Variants in ZDHHC20 observed in about 807,000 individuals in gnomAD.
The protein encoded by ZDHHC20 is zDHHC palmitoyltransferase 20.
ZDHHC20 carries 43 observed loss-of-function variants against 57.8 expected under a neutral mutation model. The ratio of observed to expected loss-of-function variants is 0.74; its 90% confidence interval spans 0.58 to 0.96. The LOEUF (loss-of-function observed/expected upper bound fraction) is 0.96. Ranked by LOEUF, ZDHHC20 falls within the 40% of genes least tolerant of loss-of-function variation. The probability of loss-of-function intolerance (pLI) is 0.00; values close to 1 mark genes in which losing one functional copy is unlikely to be tolerated. For missense variants in ZDHHC20, 391 were observed against 441.1 expected (o/e 0.89, Z 1.02); for synonymous variants, 157 against 153.0 (o/e 1.03, Z -0.19).
chr13:21,425,729 G>A (rs907272372), intron 1 of ZDHHC20, 51 bp from the exon 2 acceptor site: 33 of 993,532 alleles, frequency 3.3e-5, no homozygotes, highest in Non-Finnish European at 4.3e-5. Context: ...CATTTTGTAT[G>A]TAAGTTTTAT....
chr13:21,400,103 A>G (rs1415149584), intron 7 of ZDHHC20, among the ~76,000 whole-genome samples: 1 of 149,554 alleles, frequency 6.7e-6, no homozygotes, highest in Non-Finnish European at 1.5e-5. Flanking sequence ...TTACCTCCCT[A>G]AAATGAATAT....
intron 5 of ZDHHC20, 101 bp from the exon 6 acceptor site, chr13:21,401,786 T>A: frequency 1.9e-6 from 2 of 1,070,370 alleles, no homozygotes; most frequent in Non-Finnish European, 2.6e-6. Context: ...CCTTTACAAC[T>A]ACATCTTAAG....
At chr13:21,432,789 T>G (rs562690368) in intron 1 of ZDHHC20, among the ~76,000 whole-genome samples, 1 of 152,220 alleles carries the variant, frequency 6.6e-6, no homozygotes, top group Admixed American at 6.5e-5. Context: ...TTTTAAAAAG[T>G]TGATACTTTG....
chr13:21,394,154 C>T (rs1199728294), intron 7 of ZDHHC20, among the ~76,000 whole-genome samples: 2 of 152,162 alleles, frequency 1.3e-5, no homozygotes, highest in Non-Finnish European at 2.9e-5. Context: ...TCTCCAAGGC[C>T]CTCTGTCATT....
At chr13:21,393,989 T>G (rs1478158268) in intron 7 of ZDHHC20, among the ~76,000 whole-genome samples, 1 of 152,228 alleles carries the variant, frequency 6.6e-6, no homozygotes, top group Non-Finnish European at 1.5e-5. Context: ...TCTACCTTAT[T>G]CCAGCCGGGA....
rs1361080344 is a variant in ZDHHC20, at chr13:21,376,503, C to T, written c.*193G>A. 1 of 478,834 alleles carries T rather than the reference C, an allele frequency of 2.1e-6. No homozygotes were observed. The highest frequency in any genetic ancestry group is 3.8e-5 in the East Asian group (1 of 26,572). 29.7% of individuals were successfully genotyped at this position (478,834 alleles called of 1,614,324 possible). A position where few individuals can be genotyped will look rare whatever the true frequency, so the allele number is the denominator to read the frequency against. ...CACTTAAGATTAAGGCATCATTCTG[C>T]TCTGGAGTAGTGCTTCTGTGAATCC... On this transcript the variant is annotated 3_prime_UTR_variant, in exon 13 of 13. Transcript: ENST00000400590.
chr13:21,390,974 G>A (rs1233653700), intron 8 of ZDHHC20, among the ~76,000 whole-genome samples: 9 of 151,048 alleles, frequency 6.0e-5, no homozygotes, highest in East Asian at 3.9e-4. Context: ...TGTAATTGAG[G>A]ATATAAAGGT....
chr13:21,378,615 G>T, intron 12 of ZDHHC20, 46 bp downstream of exon 12: 1 of 1,089,060 alleles, frequency 9.2e-7, no homozygotes, highest in Non-Finnish European at 1.2e-6. Context: ...TATGAAATAT[G>T]CAAATAAGCT....
At chr13:21,404,997 T>A (rs1278273406) in intron 4 of ZDHHC20, among the ~76,000 whole-genome samples, 1 of 152,192 alleles carries the variant, frequency 6.6e-6, no homozygotes, top group Non-Finnish European at 1.5e-5. Flanking sequence ...TATTTGATTG[T>A]CACTTGTATA....
chr13:21,409,436 T>C (rs1295243773), intron 4 of ZDHHC20, among the ~76,000 whole-genome samples: 1 of 152,232 alleles, frequency 6.6e-6, no homozygotes, highest in Admixed American at 6.5e-5. Flanking sequence ...TTTGTATTTC[T>C]GTGGGATCAG....
chr13:21,433,167 C>T (rs1257735798), intron 1 of ZDHHC20, among the ~76,000 whole-genome samples: 1 of 152,008 alleles, frequency 6.6e-6, no homozygotes, highest in Admixed American at 6.6e-5. Flanking sequence ...TGCTGTATTG[C>T]CCAGGCTTGT....
At chr13:21,428,908 AC>A (rs1346207243) in intron 1 of ZDHHC20, among the ~76,000 whole-genome samples, 2 of 152,014 alleles carry the variant, frequency 1.3e-5, no homozygotes, top group Non-Finnish European at 2.9e-5. Flanking sequence ...CAACAAAAAA[AC>A]CCAACAACAA....
intron 1 of ZDHHC20, 118 bp downstream of exon 1, chr13:21,458,936 C>T: frequency 1.4e-6 from 1 of 706,870 alleles, no homozygotes; most frequent in South Asian, 2.7e-5. Flanking sequence ...GCGTTCGGGG[C>T]CGGACGCCCG....
chr13:21,439,432 C>G (rs1403850952), intron 1 of ZDHHC20, among the ~76,000 whole-genome samples: 1 of 151,940 alleles, frequency 6.6e-6, no homozygotes, highest in Admixed American at 6.6e-5. Flanking sequence ...CCCAGGAGGT[C>G]TAGGCTGCAG....
rs1361359962 is a variant in ZDHHC20, at chr13:21,452,570, T to G, written c.118+6484A>C. Among the ~76,000 whole-genome samples the G allele has an allele frequency of 2.0e-5, 3 of 152,124 alleles. No homozygotes were observed. The East Asian group carries it at 5.8e-4, about 29-fold the overall frequency. On this transcript the variant is annotated intron_variant, in intron 1 of 12. Coordinates refer to ENST00000400590, the MANE Select transcript of ZDHHC20 (RefSeq NM_001330059.2). The stretch of plus-strand genomic sequence containing the variant: ...TAGGAATAAATACATATATTTTGGG[T>G]TTTTTAAACCTAAATCTTTAAAAAC...
chr13:21,374,980 G>GA lies in ZDHHC20; in HGVS notation c.*1715dup, dbSNP rs1376660003. The GA allele has an allele frequency of 2.7e-6, 1 of 367,294 alleles. No homozygotes were observed. The highest frequency in any genetic ancestry group is 5.3e-6 in the Non-Finnish European group (1 of 188,786). 22.8% of individuals were successfully genotyped at this position (367,294 alleles called of 1,614,324 possible). On this transcript the variant is annotated 3_prime_UTR_variant, in exon 13 of 13. Coordinates refer to ENST00000400590, the MANE Select transcript of ZDHHC20 (RefSeq NM_001330059.2). Reference sequence around the variant, plus strand: ...GAAACCTCGTCTCTTCTAAAAATGTGAAAATTAGCCGGGCATGGTGGCATG... The same window carrying GA: ...GAAACCTCGTCTCTTCTAAAAATGTGAAAAATTAGCCGGGCATGGTGGCATG...
At chr13:21,420,697 A>G (rs1880547320) in intron 3 of ZDHHC20, among the ~76,000 whole-genome samples, 1 of 151,600 alleles carries the variant, frequency 6.6e-6, no homozygotes, top group Admixed American at 6.6e-5. Flanking sequence ...TAATTGCAGC[A>G]TATCTGTTCA....
intron 7 of ZDHHC20, among the ~76,000 whole-genome samples, chr13:21,395,404 A>G (rs1876604277): frequency 6.6e-6 from 1 of 150,892 alleles, no homozygotes; most frequent in African/African-American, 2.4e-5. Flanking sequence ...GACCTTCGGT[A>G]GTTGCATAAT....
chr13:21,380,143 T>C (rs1288812818), intron 11 of ZDHHC20, among the ~76,000 whole-genome samples: 1 of 132,424 alleles, frequency 7.6e-6, no homozygotes, highest in African/African-American at 2.9e-5. Context: ...CGAGATGGAG[T>C]CTCACTCTGT....
Sources: allele counts gnomAD v4.1 joint callset (sites outside exome capture counted in the v4.1 genomes callset), GRCh38; gene constraint gnomAD v4.1.1; transcripts MANE v1.5; gene names NCBI Gene and HGNC (gene_info 2026-07-23, HGNC 2026-07-21).